The following TRAM2 variants were observed in gnomAD, a reference collection of about 807,000 sequenced individuals.
TRAM2 encodes the protein translocating chain-associated membrane protein 2.
In TRAM2, 12 loss-of-function variants were observed where a neutral mutation model predicts 51.0. The observed-to-expected ratio is 0.24, with a 90% confidence interval of 0.15 to 0.38. The LOEUF (loss-of-function observed/expected upper bound fraction) is 0.38, where lower values mean the gene tolerates loss of function less well. TRAM2 is among the 10% of genes least tolerant of loss of function. TRAM2 has a pLI of 1.00. For missense variants in TRAM2, 361 were observed against 462.0 expected, an observed-to-expected ratio of 0.78 and a Z score of 2.00; for synonymous variants, 175 against 179.4, an observed-to-expected ratio of 0.98 and a Z score of 0.20.
At chr6:52,519,910 G>A (rs961801806) in intron 2 of TRAM2, among the ~76,000 whole-genome samples, 31 of 152,066 alleles carry the variant, frequency 2.0e-4, no homozygotes, top group Non-Finnish European at 2.9e-5. Context: ...GACAAATACT[G>A]TATGATTCGA....
intron 6 of TRAM2, 41 bp from the exon 7 acceptor site, chr6:52,507,664 T>A: frequency 6.2e-7 from 1 of 1,600,762 alleles, no homozygotes; most frequent in Non-Finnish European, 8.6e-7. Flanking sequence ...GCTAATTCCC[T>A]AACTGAAGAT....
intron 2 of TRAM2, among the ~76,000 whole-genome samples, chr6:52,534,567 A>AC (rs1173813011): frequency 6.6e-6 from 1 of 152,134 alleles, no homozygotes; most frequent in African/African-American, 2.4e-5. Context: ...CGAGGGCTGG[A>AC]CTCAGCCTTC....
At chr6:52,561,516 C>T (rs1459103744) in intron 1 of TRAM2, among the ~76,000 whole-genome samples, 4 of 147,224 alleles carry the variant, frequency 2.7e-5, no homozygotes, top group South Asian at 2.2e-4. Context: ...GACGGAGTCT[C>T]GCTCTGTCGC....
chr6:52,535,669 G>A, intron 2 of TRAM2, 114 bp downstream of exon 2: 2 of 847,068 alleles, frequency 2.4e-6, no homozygotes, highest in Non-Finnish European at 3.7e-6. Context: ...TGACAGAGCA[G>A]AGACTCCGTC....
chr6:52,576,706 A>G (rs1767772682), intron 1 of TRAM2, 90 bp downstream of exon 1: 3 of 1,508,922 alleles, frequency 2.0e-6, no homozygotes, highest in Non-Finnish European at 1.8e-6. Context: ...GCCTCCGATC[A>G]GAGGAGGGCC....
At chr6:52,522,934 C>G in intron 2 of TRAM2, 1 of 702,498 alleles carries the variant, frequency 1.4e-6, no homozygotes, top group Non-Finnish European at 2.6e-6. Context: ...CCAGTCCTGT[C>G]TGGATCCCAC....
chr6:52,505,507 T>A lies in TRAM2; in HGVS notation c.875+92A>T, dbSNP rs370778154. ...CAAAAAATAACAATATGTGGGAGACTAAAGGGTCTGCTGCCTCCAGACCTT... is the reference window on the plus strand; with the variant it reads ...CAAAAAATAACAATATGTGGGAGACAAAAGGGTCTGCTGCCTCCAGACCTT... On this transcript the variant is annotated intron_variant, in intron 9 of 10. Coordinates refer to ENST00000182527, the MANE Select transcript of TRAM2 (RefSeq NM_012288.4). 5.2e-5 allele frequency: 77 copies of A among 1,478,310 alleles called. 1 individual carries two copies. Among genetic ancestry groups the A allele is most frequent in the East Asian group, 4.9e-4 (21 of 42,764 alleles). The allele number at this position is 1,478,310 out of a possible 1,614,324, so 91.6% of individuals were successfully genotyped here.
rs1362978650 is a variant in TRAM2, at chr6:52,509,600, G to A, written c.412-14C>T. The A allele has an allele frequency of 5.0e-6, 8 of 1,613,874 alleles. No individual in the cohort carries two copies. Among genetic ancestry groups the A allele is most frequent in the Non-Finnish European group, 5.9e-6 (7 of 1,179,848 alleles). On this transcript the variant is annotated splice_polypyrimidine_tract_variant and intron_variant, in intron 4 of 10. Transcript: ENST00000182527. ...TAAGTATCCTTCCTGCAGTGGGCAAGAAGAGAGACCATTTAGAGATGTGGA... is the reference window on the plus strand; with the variant it reads ...TAAGTATCCTTCCTGCAGTGGGCAAAAAGAGAGACCATTTAGAGATGTGGA...
At chr6:52,568,444 A>C (rs1767625558) in intron 1 of TRAM2, among the ~76,000 whole-genome samples, 1 of 152,194 alleles carries the variant, frequency 6.6e-6, no homozygotes, top group South Asian at 2.1e-4. Flanking sequence ...CATGGGTCTG[A>C]AAAGTTCCAA....
At chr6:52,539,379 T>C (rs1037917565) in intron 1 of TRAM2, among the ~76,000 whole-genome samples, 1 of 152,180 alleles carries the variant, frequency 6.6e-6, no homozygotes, top group African/African-American at 2.4e-5. Context: ...AGAAGCTGAT[T>C]TGGGGGTTAC....
chr6:52,527,377 CAAA>C (rs11293279), intron 2 of TRAM2, among the ~76,000 whole-genome samples: 4 of 133,722 alleles, frequency 3.0e-5, no homozygotes. Flanking sequence ...GACTCTATCT[CAAA>C]AAAAAAAAAA....
In TRAM2 at chr6:52,509,528, G is replaced by A. The variant is rs745487573; in HGVS notation, c.470C>T (p.Pro157Leu). ...GGGGCTGAGTCAACAGAATACTCACGGGAGGTGCACATGCGGGTAGTCTTC... is the reference window on the plus strand; with the variant it reads ...GGGGCTGAGTCAACAGAATACTCACAGGAGGTGCACATGCGGGTAGTCTTC... ...LWEDYPHVHL[P>L]FQVKFFYLCQ... is the part of the protein sequence containing the mutation. The change falls in exon 5 of 11, where the codon CCC (proline) becomes CTC (leucine). Residue 157 changes from proline (P) to leucine (L), a missense_variant and splice_region_variant. Physicochemically the swap from Pro to Leu is moderately conservative, Grantham distance 98. Coordinates refer to ENST00000182527, the MANE Select transcript of TRAM2 (RefSeq NM_012288.4). The A allele has an allele frequency of 5.6e-6, 9 of 1,613,254 alleles. No homozygotes were observed. Among genetic ancestry groups the A allele is most frequent in the South Asian group, 3.3e-5 (3 of 90,990 alleles).
chr6:52,576,933 G>A lies in TRAM2; in HGVS notation c.-18C>T, dbSNP rs1299857439. ...AAAGCCATGGCAGCGGGCGCGCAGC[G>A]GCCGGCGGGGCCCGCACCCTGCGCT... On this transcript the variant is annotated 5_prime_UTR_variant, in exon 1 of 11. Transcript: ENST00000182527. The A allele has an allele frequency of 6.3e-7, 1 of 1,599,468 alleles. No homozygotes were observed. The highest frequency in any genetic ancestry group is 8.5e-7 in the Non-Finnish European group (1 of 1,174,082).
chr6:52,521,498 C>G (rs1766672553), intron 2 of TRAM2, among the ~76,000 whole-genome samples: 1 of 151,566 alleles, frequency 6.6e-6, no homozygotes, highest in African/African-American at 2.4e-5. Context: ...TCGAGACCAT[C>G]CTGGCTAACA....
chr6:52,573,602 C>T lies in TRAM2; in HGVS notation c.120+3194G>A, dbSNP rs555116097. 4.1e-4 allele frequency among the ~76,000 whole-genome samples: 63 copies of T among 152,198 alleles called. No homozygotes were observed. The South Asian group carries it at 0.013, about 32-fold the overall frequency. ...GAAACAGGATGGCTCAACACTAAAC[C>T]AAAATTGGGGTAGCAATAGGGGTGA... On this transcript the variant is annotated intron_variant, in intron 1 of 10. Transcript: ENST00000182527.
intron 1 of TRAM2, among the ~76,000 whole-genome samples, chr6:52,545,407 G>A (rs376479934): frequency 4.6e-5 from 7 of 152,188 alleles, no homozygotes. Flanking sequence ...CCTGGGACAC[G>A]AATGACCTTA....
At chr6:52,526,152 GACACACACACAC>G (rs775593303) in intron 2 of TRAM2, among the ~76,000 whole-genome samples, 317 of 28,852 alleles carry the variant, frequency 0.011, no homozygotes, top group African/African-American at 0.029. Flanking sequence ...CACACAGACA[GACACACACACAC>G]ACACACACAC....
chr6:52,554,519 C>CAAA (rs55641649), intron 1 of TRAM2, among the ~76,000 whole-genome samples: 32 of 109,072 alleles, frequency 2.9e-4, no homozygotes, highest in African/African-American at 6.3e-4. Context: ...GACCCCATCT[C>CAAA]AAAAAAAAAA....
intron 4 of TRAM2, among the ~76,000 whole-genome samples, 177 bp from the exon 5 acceptor site, chr6:52,509,763 T>C (rs577285038): frequency 4.1e-4 from 63 of 152,222 alleles, no homozygotes; most frequent in African/African-American, 1.1e-3. Flanking sequence ...TTGGCTGGTT[T>C]CTTTACTGTG....
Sources: gnomAD v4.1 joint callset for allele counts (sites outside exome capture counted in the v4.1 genomes callset) on GRCh38, gnomAD v4.1.1 for gene constraint, MANE v1.5 for transcripts, NCBI Gene and HGNC (gene_info 2026-07-23, HGNC 2026-07-21) for gene names.